The following RERE variants were observed in gnomAD, a reference collection of about 807,000 sequenced individuals.
RERE encodes arginine-glutamic acid dipeptide repeats protein.
Under a neutral mutation model 146.1 loss-of-function variants are expected in RERE, and 40 were observed. That is an observed-to-expected ratio of 0.27 (90% confidence interval 0.21 to 0.36). The LOEUF is 0.36. Ranked by LOEUF, RERE falls within the 10% of genes least tolerant of loss-of-function variation. The pLI, the probability that RERE is intolerant of heterozygous loss-of-function variation, is 1.00. For missense variants in RERE, 1,933 were observed against 2,138.7 expected (o/e 0.90, Z 1.90); for synonymous variants, 1,003 against 866.0 (o/e 1.16, Z -2.78).
chr1:8,627,234 C>T (rs1029628737), intron 2 of RERE, among the ~76,000 whole-genome samples: 1 of 152,146 alleles, frequency 6.6e-6, no homozygotes, highest in Non-Finnish European at 1.5e-5. Flanking sequence ...AGGTGGTCTG[C>T]ACTGTCCACT....
chr1:8,372,518 G>T lies in RERE; in HGVS notation c.1285-6544C>A, dbSNP rs545385862. On this transcript the variant is annotated intron_variant, in intron 12 of 22. Coordinates refer to ENST00000400908, the MANE Select transcript of RERE (RefSeq NM_001042681.2). ...ACCTACCATCAGGTCGTGTGTGTGT[G>T]TGTGTGTGTGTGTGTGTGTGTGTGT... Among the ~76,000 whole-genome samples the T allele has an allele frequency of 7.2e-4, 109 of 151,242 alleles. 1 individual carries two copies. The highest frequency in any genetic ancestry group is 2.5e-3 in the African/African-American group (105 of 41,254).
chr1:8,813,396 T>A (rs1641850067), intron 1 of RERE, among the ~76,000 whole-genome samples: 1 of 152,086 alleles, frequency 6.6e-6, no homozygotes, highest in Admixed American at 6.5e-5. Flanking sequence ...TTTTACTACT[T>A]AAATTTTTTT....
At chr1:8,689,497 A>C (rs1639161013) in intron 1 of RERE, among the ~76,000 whole-genome samples, 1 of 152,182 alleles carries the variant, frequency 6.6e-6, no homozygotes, top group African/African-American at 2.4e-5. Flanking sequence ...AGGTAATATC[A>C]CATTTCTTAG....
At chr1:8,403,855 G>A (rs1457403823) in intron 12 of RERE, among the ~76,000 whole-genome samples, 1 of 38,456 alleles carries the variant, frequency 2.6e-5, no homozygotes, top group African/African-American at 8.2e-5. Context: ...TTTTGAGATG[G>A]GAGTCTCACT....
chr1:8,735,997 T>C (rs1640188959), intron 1 of RERE, among the ~76,000 whole-genome samples: 1 of 152,212 alleles, frequency 6.6e-6, no homozygotes. Flanking sequence ...TTGTAGCCTT[T>C]TGTTGTAATA....
At chr1:8,436,007 C>T (rs1486340190) in intron 11 of RERE, among the ~76,000 whole-genome samples, 1 of 152,206 alleles carries the variant, frequency 6.6e-6, no homozygotes, top group East Asian at 1.9e-4. Context: ...TATGGCCACA[C>T]AGCTACGCCC....
At chr1:8,509,568 G>A (rs1220484605) in intron 7 of RERE, among the ~76,000 whole-genome samples, 1 of 152,198 alleles carries the variant, frequency 6.6e-6, no homozygotes. Context: ...AGCACTTTGG[G>A]AGGCTAAGGC....
intron 4 of RERE, among the ~76,000 whole-genome samples, chr1:8,612,157 T>C (rs3957858): frequency 6.6e-6 from 1 of 152,216 alleles, no homozygotes; most frequent in Non-Finnish European, 1.5e-5. Context: ...CTATAAAAAC[T>C]AAATTAACAA....
At chr1:8,449,132 A>T (rs911255950) in intron 11 of RERE, among the ~76,000 whole-genome samples, 2 of 152,240 alleles carry the variant, frequency 1.3e-5, no homozygotes, top group African/African-American at 4.8e-5. Context: ...AACACAGTCA[A>T]GAATGGCTAA....
chr1:8,564,807 T>C (rs1646124495), intron 4 of RERE, among the ~76,000 whole-genome samples: 1 of 148,950 alleles, frequency 6.7e-6, no homozygotes, highest in Admixed American at 6.8e-5. Flanking sequence ...GTGGTGTGTG[T>C]GTATGTATGT....
chr1:8,615,833 T>C, intron 3 of RERE, among the ~76,000 whole-genome samples: 1 of 152,138 alleles, frequency 6.6e-6, no homozygotes, highest in East Asian at 1.9e-4. Flanking sequence ...GAAAATAAGC[T>C]AATGTTCAGA....
chr1:8,603,850 C>A (rs1200268132), intron 4 of RERE, among the ~76,000 whole-genome samples: 1 of 144,102 alleles, frequency 6.9e-6, no homozygotes, highest in East Asian at 2.0e-4. Flanking sequence ...CCCAGCTACT[C>A]AGGAGGTTGA....
At chr1:8,741,663 A>G (rs1258985062) in intron 1 of RERE, among the ~76,000 whole-genome samples, 1 of 152,152 alleles carries the variant, frequency 6.6e-6, no homozygotes, top group African/African-American at 2.4e-5. Flanking sequence ...CATGATTGTA[A>G]GTTTCCTGGG....
At chr1:8,393,960 A>T (rs1164259709) in intron 12 of RERE, among the ~76,000 whole-genome samples, 1 of 152,014 alleles carries the variant, frequency 6.6e-6, no homozygotes, top group Non-Finnish European at 1.5e-5. Context: ...TTTGCCATGA[A>T]GGCTGGCCAC....
intron 3 of RERE, among the ~76,000 whole-genome samples, chr1:8,623,981 T>C (rs1483349443): frequency 1.3e-5 from 2 of 152,252 alleles, no homozygotes; most frequent in African/African-American, 4.8e-5. Context: ...TTACTGAATT[T>C]ACTTTACTTC....
chr1:8,726,677 A>G (rs968061316), intron 1 of RERE, among the ~76,000 whole-genome samples: 1 of 152,234 alleles, frequency 6.6e-6, no homozygotes, highest in African/African-American at 2.4e-5. Context: ...CAGGAGAAGC[A>G]TGAACATGTT....
chr1:8,371,329 G>A (rs986184656), intron 12 of RERE, among the ~76,000 whole-genome samples: 2 of 152,194 alleles, frequency 1.3e-5, no homozygotes, highest in Non-Finnish European at 2.9e-5. Flanking sequence ...CCCAGCAGAG[G>A]TGTCTTTCCA....
At chr1:8,456,374 G>A (rs1323754924) in intron 11 of RERE, among the ~76,000 whole-genome samples, 1 of 152,094 alleles carries the variant, frequency 6.6e-6, no homozygotes, top group Non-Finnish European at 1.5e-5. Flanking sequence ...TCCTACTCAG[G>A]AAAAACAGCT....
chr1:8,569,707 CA>C (rs1156882657), intron 4 of RERE, among the ~76,000 whole-genome samples: 1 of 152,120 alleles, frequency 6.6e-6, no homozygotes, highest in Non-Finnish European at 1.5e-5. Flanking sequence ...ACTTGGACAA[CA>C]AAGTCAGACT....
Sources: gnomAD v4.1 joint callset for allele counts (sites outside exome capture counted in the v4.1 genomes callset) on GRCh38, gnomAD v4.1.1 for gene constraint, MANE v1.5 for transcripts, NCBI Gene and HGNC (gene_info 2026-07-23, HGNC 2026-07-21) for gene names.